The following PRR14L variants were observed in gnomAD, a reference collection of about 807,000 sequenced individuals.
The protein encoded by PRR14L is protein PRR14L.
A neutral mutation model predicts 155.0 loss-of-function variants in PRR14L; 80 were observed. That is an observed-to-expected ratio of 0.52 (90% confidence interval 0.43 to 0.62). The LOEUF is 0.62. Ranked by LOEUF, PRR14L falls within the 20% of genes least tolerant of loss-of-function variation. The pLI is 0.00. For synonymous variants in PRR14L, 883 were observed against 916.0 expected, an observed-to-expected ratio of 0.96 and a Z score of 0.65; for missense variants, 2,469 against 2,548.0, an observed-to-expected ratio of 0.97 and a Z score of 0.67.
intron 6 of PRR14L, 60 bp downstream of exon 6, chr22:31,703,490 G>T: frequency 1.3e-6 from 2 of 1,514,936 alleles, no homozygotes; most frequent in Non-Finnish European, 1.8e-6. Context: ...TGCGATGTGA[G>T]TTGACAATGG....
At chr22:31,733,872 G>A (rs912619859) in intron 2 of PRR14L, among the ~76,000 whole-genome samples, 1 of 151,760 alleles carries the variant, frequency 6.6e-6, no homozygotes, top group African/African-American at 2.4e-5. Flanking sequence ...AATTACACGA[G>A]GCTGACCATC....
chr22:31,714,812 G>C lies in PRR14L; in HGVS notation c.3027C>G (p.Asn1009Lys). The change falls in exon 4 of 9, where the codon AAC becomes AAG. Residue 1009 changes from asparagine (N) to lysine (K), a missense_variant. Transcript: ENST00000327423. ...TGACCAGCAGATCCTTTTGGTTGTG[G>C]TTTACCTCCCCGTGAGGCTCGGTGA... ...ETVTEPHGEV[N>K]HNQKDLLVSS... The C allele has an allele frequency of 6.4e-7, 1 of 1,552,182 alleles. No individual in the cohort carries two copies. Among genetic ancestry groups the C allele is most frequent in the Non-Finnish European group, 8.7e-7 (1 of 1,147,112 alleles).
chr22:31,699,099 C>T (rs1044323151), intron 7 of PRR14L, among the ~76,000 whole-genome samples: 4 of 151,990 alleles, frequency 2.6e-5, no homozygotes, highest in South Asian at 2.1e-4. Context: ...TGCAGTGCCG[C>T]GACCTCGGCT....
intron 7 of PRR14L, among the ~76,000 whole-genome samples, chr22:31,696,126 A>G (rs1373566202): frequency 1.3e-5 from 2 of 149,266 alleles, no homozygotes; most frequent in South Asian, 4.2e-4. Flanking sequence ...TTTAATTTCT[A>G]TTTTTTCTTT....
In PRR14L at chr22:31,712,893, T is replaced by G; in HGVS notation, c.4946A>C (p.Lys1649Thr). Reference sequence around the variant, plus strand: ...TTTATATCTGAGGCGCTTGTAGCTTTTAGCCATTGGAAGAAGTTCAGAGGA... The same window carrying G: ...TTTATATCTGAGGCGCTTGTAGCTTGTAGCCATTGGAAGAAGTTCAGAGGA... ...RCSSELLPMA[K>T]SYKRLRYKRL... The change falls in exon 4 of 9, where the codon AAA becomes ACA. Residue 1649 changes from lysine (K) to threonine (T), a missense_variant. Physicochemically the swap from Lys to Thr is moderately conservative, Grantham distance 78. Transcript: ENST00000327423. 1 of 1,551,894 alleles carries G rather than the reference T, an allele frequency of 6.4e-7. No individual in the cohort carries two copies. Among genetic ancestry groups the G allele is most frequent in the Non-Finnish European group, 8.7e-7 (1 of 1,147,034 alleles).
chr22:31,737,337 C>T lies in PRR14L; in HGVS notation c.474+1050G>A, dbSNP rs530739709. 3.3e-5 allele frequency among the ~76,000 whole-genome samples: 5 copies of T among 151,972 alleles called. No homozygotes were observed. In the East Asian group the frequency reaches 5.8e-4, roughly 18 times the overall value. ...CTCTACTAAAACTACAAAAATTAGC[C>T]GGGCGTAATGGTAGGTGCCTATAAT... On this transcript the variant is annotated intron_variant, in intron 2 of 8. Coordinates refer to ENST00000327423, the MANE Select transcript of PRR14L (RefSeq NM_173566.3).
At chr22:31,711,724 C>T (rs570730990) in intron 4 of PRR14L, among the ~76,000 whole-genome samples, 6 of 123,470 alleles carry the variant, frequency 4.9e-5, no homozygotes, top group Admixed American at 2.2e-4. Flanking sequence ...GCGGAGGTTG[C>T]GGTAAGCCGA....
intron 4 of PRR14L, among the ~76,000 whole-genome samples, chr22:31,706,007 C>A (rs959134279): frequency 1.4e-4 from 18 of 132,266 alleles, no homozygotes; most frequent in Non-Finnish European, 2.3e-4. Context: ...TCTCAAAAAC[C>A]AAACTAAACA....
At chr22:31,722,417 GAAA>G (rs563612373) in intron 3 of PRR14L, among the ~76,000 whole-genome samples, 1 of 82,180 alleles carries the variant, frequency 1.2e-5, no homozygotes. Flanking sequence ...GTGACAGAAA[GAAA>G]AAAAAAAAAA....
rs1304069710 is a variant in PRR14L, at chr22:31,703,585, G to A, written c.5965C>T (p.Pro1989Ser). ...DELDGVKAAC[P>S]CPQSSPPEQK... ...TCTGGGGGGCTGCTCTGTGGGCAGGGGCATGCTGCTTTCACACCATCCAGC... is the reference window on the plus strand; with the variant it reads ...TCTGGGGGGCTGCTCTGTGGGCAGGAGCATGCTGCTTTCACACCATCCAGC... The change falls in exon 6 of 9, where the codon CCC becomes TCC. Residue 1989 changes from proline (P) to serine (S), a missense_variant. Physicochemically the swap from Pro to Ser is moderately conservative, Grantham distance 74. This residue lies in a region of PRR14L where 2,363 missense variants were observed against 2,371.6 expected (regional missense o/e 1.00). Transcript: ENST00000327423. 1 of 1,613,808 alleles carries A rather than the reference G, an allele frequency of 6.2e-7. No homozygotes were observed. Among genetic ancestry groups the A allele is most frequent in the Non-Finnish European group, 8.5e-7 (1 of 1,179,874 alleles).
chr22:31,714,864 A>T lies in PRR14L; in HGVS notation c.2975T>A (p.Met992Lys). The change falls in exon 4 of 9, where the codon ATG (methionine) becomes AAG (lysine). Residue 992 changes from methionine to lysine, a missense_variant. By Grantham distance (95) the Met-to-Lys change is moderately conservative. This residue lies in a region of PRR14L where 2,363 missense variants were observed against 2,371.6 expected (regional missense o/e 1.00). Coordinates refer to ENST00000327423, the MANE Select transcript of PRR14L (RefSeq NM_173566.3). The part of the protein sequence containing the change: ...CKSEGQSAKE[M>K]LSSDQRETVT... ...AGTCTCTCTCTGGTCACTACTTAGC[A>T]TCTCCTTGGCTGACTGACCTTCACT... The T allele has an allele frequency of 6.4e-7, 1 of 1,551,886 alleles. No homozygotes were observed. The highest frequency in any genetic ancestry group is 8.7e-7 in the Non-Finnish European group (1 of 1,147,038).
intron 3 of PRR14L, among the ~76,000 whole-genome samples, chr22:31,724,502 A>C (rs952974001): frequency 6.6e-6 from 1 of 152,132 alleles, no homozygotes; most frequent in Non-Finnish European, 1.5e-5. Flanking sequence ...CCAGGGCTCA[A>C]GTATCCTTCT....
chr22:31,710,440 T>C (rs1397783588), intron 4 of PRR14L, among the ~76,000 whole-genome samples: 1 of 152,012 alleles, frequency 6.6e-6, no homozygotes, highest in Non-Finnish European at 1.5e-5. Flanking sequence ...ATCATGTGTA[T>C]AGCAGCTCTT....
At chr22:31,723,632 A>C (rs955682632) in intron 3 of PRR14L, among the ~76,000 whole-genome samples, 34 of 152,202 alleles carry the variant, frequency 2.2e-4, no homozygotes, top group Non-Finnish European at 3.2e-4. Flanking sequence ...TGTACAAAAC[A>C]CCATTTCTCA....
Position 31,716,667 on chromosome 22 carries a change from T to C in PRR14L, c.1172A>G (p.Asn391Ser), listed in dbSNP as rs1232944300. 1 of 1,552,120 alleles carries C rather than the reference T, an allele frequency of 6.4e-7. No homozygotes were observed. Among genetic ancestry groups the C allele is most frequent in the Non-Finnish European group, 8.7e-7 (1 of 1,147,102 alleles). Residue 391 changes from asparagine (N) to serine (S), a missense_variant, in exon 4 of 9, where the codon AAC (asparagine) becomes AGC (serine). Physicochemically the swap from Asn to Ser is conservative, Grantham distance 46 (BLOSUM62 1). Around this residue, in one of 2 missense-constraint regions of PRR14L, gnomAD observed 2,363 missense variants for 2,371.6 expected, o/e 1.00. Coordinates refer to ENST00000327423, the MANE Select transcript of PRR14L (RefSeq NM_173566.3). ...YFYRGDDQGKNLASREENEER... is the reference protein window; with the variant it reads ...YFYRGDDQGKSLASREENEER... ...CTCATTTTCTTCTCTAGAAGCCAAG[T>C]TCTTCCCTTGATCATCCCCCCTATA...
In PRR14L at chr22:31,704,721, G is replaced by A. The variant is rs1332003275; in HGVS notation, c.5762C>T (p.Thr1921Ile). ...TGGAAGAGGCACATATGGTAACATG[G>A]TGTGGCTAAAGTAAAGCAAAAGTAC... ...QPSLGTTSSH[T>I]MLPYVPLPGM... The change falls in exon 5 of 9, where the codon ACC (threonine) becomes ATC (isoleucine). Residue 1921 changes from threonine to isoleucine, a missense_variant. Coordinates refer to ENST00000327423, the MANE Select transcript of PRR14L (RefSeq NM_173566.3). The A allele has an allele frequency of 3.1e-6, 5 of 1,613,852 alleles. No individual in the cohort carries two copies. The highest frequency in any genetic ancestry group is 4.2e-6 in the Non-Finnish European group (5 of 1,179,786).
intron 7 of PRR14L, among the ~76,000 whole-genome samples, chr22:31,694,745 C>T (rs2074527191): frequency 6.7e-6 from 1 of 150,346 alleles, no homozygotes; most frequent in Non-Finnish European, 1.5e-5. Flanking sequence ...GAGCAAGACT[C>T]CGTCTCAACA....
chr22:31,713,530 C>T lies in PRR14L; in HGVS notation c.4309G>A (p.Asp1437Asn). 6.4e-7 allele frequency: 1 copy of T among 1,552,148 alleles called. No homozygotes were observed. Among genetic ancestry groups the T allele is most frequent in the Non-Finnish European group, 8.7e-7 (1 of 1,147,084 alleles). Residue 1437 changes from aspartate to asparagine, a missense_variant, in exon 4 of 9, where the codon GAC becomes AAC. By Grantham distance (23) the Asp-to-Asn change is conservative. Transcript: ENST00000327423. Reference protein sequence around the residue: ...DAQNQNQPKADKDESTMINEI... With the variant: ...DAQNQNQPKANKDESTMINEI... ...TTGATCATGGTGGACTCATCTTTGT[C>T]AGCCTTCGGTTGGTTCTGATTTTGT...
intron 2 of PRR14L, among the ~76,000 whole-genome samples, chr22:31,725,977 G>C (rs2074714547): frequency 6.6e-6 from 1 of 151,942 alleles, no homozygotes; most frequent in Non-Finnish European, 1.5e-5. Flanking sequence ...CTGAATATTA[G>C]TTATTTTTGA....
Sources: allele counts gnomAD v4.1 joint callset (sites outside exome capture counted in the v4.1 genomes callset), GRCh38; gene constraint gnomAD v4.1.1; regional missense constraint gnomAD v4.1.1; transcripts MANE v1.5; gene names NCBI Gene and HGNC (gene_info 2026-07-23, HGNC 2026-07-21).